RBFOX1: variants seen among roughly 807,000 people sequenced by gnomAD.
RBFOX1 encodes RNA binding protein fox-1 homolog 1.
RBFOX1 carries 8 observed loss-of-function variants against 57.7 expected under a neutral mutation model. That is an observed-to-expected ratio of 0.14 (90% confidence interval 0.08 to 0.25). The LOEUF is 0.25. Among genes scored for constraint, RBFOX1 ranks in the 10% least tolerant of loss-of-function variants. RBFOX1 has a pLI of 1.00. For synonymous variants in RBFOX1, 326 were observed against 222.4 expected (o/e 1.47, Z -4.15); for missense variants, 611 against 548.5 (o/e 1.11, Z -1.14).
chr16:6,560,389 T>G (rs2098337), intron 2 of RBFOX1, among the ~76,000 whole-genome samples: 146,177 of 152,106 alleles, frequency 0.96, 70,514 homozygotes, highest in East Asian at 1. Context: ...AGAGGGCCAG[T>G]GTGGGCCTTA....
chr16:6,604,987 A>G (rs1361509371), intron 2 of RBFOX1, among the ~76,000 whole-genome samples: 1 of 151,994 alleles, frequency 6.6e-6, no homozygotes, highest in African/African-American at 2.4e-5. Flanking sequence ...AAAGTAAAAT[A>G]AAATTATATA....
At chr16:6,525,597 G>C (rs1370765671) in intron 2 of RBFOX1, among the ~76,000 whole-genome samples, 2 of 152,096 alleles carry the variant, frequency 1.3e-5, no homozygotes, top group African/African-American at 4.8e-5. Context: ...GGAATTTTCA[G>C]ACTTGGGAAA....
chr16:6,696,208 T>C (rs935814852), intron 3 of RBFOX1, among the ~76,000 whole-genome samples: 9 of 152,220 alleles, frequency 5.9e-5, no homozygotes, highest in Admixed American at 5.2e-4. Flanking sequence ...ATAATAAATA[T>C]GCTTAAATTG....
At chr16:6,719,995 G>A (rs962770994) in intron 3 of RBFOX1, among the ~76,000 whole-genome samples, 1 of 151,990 alleles carries the variant, frequency 6.6e-6, no homozygotes, top group African/African-American at 2.4e-5. Context: ...CTGGGAGGCT[G>A]AGGCAGGAGA....
At chr16:6,748,768 G>T (rs2074316689) in intron 3 of RBFOX1, 1 of 152,092 alleles carries the variant, frequency 6.6e-6, no homozygotes, top group Non-Finnish European at 1.5e-5. Flanking sequence ...GATGTATGAT[G>T]AATTCTCAGA....
intron 2 of RBFOX1, among the ~76,000 whole-genome samples, chr16:5,526,743 C>G (rs531780386): frequency 1.1e-3 from 167 of 152,304 alleles, no homozygotes; most frequent in African/African-American, 3.8e-3. Flanking sequence ...CCTGCATCCA[C>G]GTACATTCTG....
chr16:6,734,160 G>A (rs1481795564), intron 3 of RBFOX1, among the ~76,000 whole-genome samples: 2 of 152,240 alleles, frequency 1.3e-5, no homozygotes, highest in East Asian at 3.9e-4. Flanking sequence ...TTTATTTGAC[G>A]TTTTTTGTGC....
chr16:6,484,633 C>T (rs1351820735), intron 2 of RBFOX1, among the ~76,000 whole-genome samples: 1 of 152,160 alleles, frequency 6.6e-6, no homozygotes, highest in African/African-American at 2.4e-5. Flanking sequence ...CAGCTCATCC[C>T]TCTAGCCCTT....
At chr16:6,167,306 A>G (rs2096925303) in intron 1 of RBFOX1, among the ~76,000 whole-genome samples, 1 of 152,148 alleles carries the variant, frequency 6.6e-6, no homozygotes, top group Non-Finnish European at 1.5e-5. Context: ...CCTTTGACGT[A>G]TAGCTCAAGT....
intron 3 of RBFOX1, among the ~76,000 whole-genome samples, chr16:7,050,997 C>G (rs1170393897): frequency 1.3e-5 from 2 of 152,094 alleles, no homozygotes; most frequent in African/African-American, 2.4e-5. Context: ...TCAAAACAAA[C>G]TTTGTATACA....
At chr16:6,208,269 T>A (rs1489757176) in intron 1 of RBFOX1, among the ~76,000 whole-genome samples, 1 of 152,216 alleles carries the variant, frequency 6.6e-6, no homozygotes, top group African/African-American at 2.4e-5. Context: ...ATATGGAATT[T>A]TTTTTTAACT....
chr16:6,942,499 G>A (rs1487444261), intron 3 of RBFOX1, among the ~76,000 whole-genome samples: 1 of 152,056 alleles, frequency 6.6e-6, no homozygotes, highest in Non-Finnish European at 1.5e-5. Context: ...TCCATCTCCT[G>A]GGAGATGAAG....
chr16:6,797,422 G>C (rs1249538402), intron 3 of RBFOX1, among the ~76,000 whole-genome samples: 2 of 152,118 alleles, frequency 1.3e-5, no homozygotes, highest in Middle Eastern at 3.2e-3. Flanking sequence ...GAGAGATAGA[G>C]TTGCTTTGTT....
intron 4 of RBFOX1, among the ~76,000 whole-genome samples, chr16:7,421,484 G>C (rs2098542151): frequency 6.6e-6 from 1 of 152,162 alleles, no homozygotes; most frequent in Non-Finnish European, 1.5e-5. Flanking sequence ...ATTAGCTTTG[G>C]CAATAGTGAC....
At chr16:6,151,131 T>C (rs2096794525) in intron 1 of RBFOX1, among the ~76,000 whole-genome samples, 1 of 152,142 alleles carries the variant, frequency 6.6e-6, no homozygotes, top group Non-Finnish European at 1.5e-5. Context: ...TAAATACATA[T>C]TTGCTGAATC....
intron 4 of RBFOX1, among the ~76,000 whole-genome samples, chr16:7,117,515 A>T (rs745660249): frequency 1.3e-5 from 2 of 152,158 alleles, no homozygotes; most frequent in Non-Finnish European, 2.9e-5. Context: ...ACTTACCACC[A>T]ATTACTTAAT....
chr16:6,843,114 CTTATTG>C (rs1049712544), intron 3 of RBFOX1, among the ~76,000 whole-genome samples: 2 of 152,010 alleles, frequency 1.3e-5, no homozygotes, highest in African/African-American at 4.8e-5. Flanking sequence ...TAGGTTGTTT[CTTATTG>C]TTGTTGTTTT....
At chr16:6,829,166 T>C (rs2092484642) in intron 3 of RBFOX1, among the ~76,000 whole-genome samples, 1 of 151,560 alleles carries the variant, frequency 6.6e-6, no homozygotes, top group Non-Finnish European at 1.5e-5. Context: ...TGTAGAAGTT[T>C]CAAGAAACCA....
intron 2 of RBFOX1, among the ~76,000 whole-genome samples, chr16:6,516,822 C>G (rs998317339): frequency 6.6e-6 from 1 of 152,138 alleles, no homozygotes; most frequent in African/African-American, 2.4e-5. Flanking sequence ...CATTGCAACA[C>G]AAAACCTGCC....
Sources: gnomAD v4.1 joint callset for allele counts (sites outside exome capture counted in the v4.1 genomes callset) on GRCh38, gnomAD v4.1.1 for gene constraint, MANE v1.5 for transcripts, NCBI Gene and HGNC (gene_info 2026-07-23, HGNC 2026-07-21) for gene names.